TPR: variants seen among roughly 807,000 people sequenced by gnomAD.
The protein encoded by TPR is nucleoprotein TPR.
Under a neutral mutation model 316.1 loss-of-function variants are expected in TPR, and 51 were observed. That is an observed-to-expected ratio of 0.16 (90% CI 0.13 to 0.20). TPR has a LOEUF of 0.20. Among genes scored for constraint, TPR ranks in the 10% least tolerant of loss-of-function variants. The probability of loss-of-function intolerance (pLI) is 1.00; values close to 1 mark genes in which losing one functional copy is unlikely to be tolerated. For synonymous variants in TPR, 981 were observed against 914.7 expected, an observed-to-expected ratio of 1.07 and a Z score of -1.31; for missense variants, 2,272 against 2,754.8, an observed-to-expected ratio of 0.82 and a Z score of 3.92.
rs989700876 is a variant in TPR at position 186,335,221 on chromosome 1, C to T, written c.4912-92G>A. ...AATTGTCATTATTGTTAATTCTCTC[C>T]GCATATATTGAATTTTAGCCAAAAT... On this transcript the variant is annotated intron_variant, in intron 34 of 50. Coordinates refer to ENST00000367478, the MANE Select transcript of TPR (RefSeq NM_003292.3). 67 of 1,545,848 alleles carry T rather than the reference C, an allele frequency of 4.3e-5. No homozygotes were observed. In the South Asian group the frequency reaches 5.6e-4, roughly 13 times the overall value.
intron 12 of TPR, 129 bp from the exon 13 acceptor site, chr1:186,358,779 G>T (rs879250041): frequency 2.9e-4 from 203 of 691,968 alleles, no homozygotes. Flanking sequence ...ACATAATATT[G>T]TAGCCACTAA....
intron 31 of TPR, 79 bp downstream of exon 31, chr1:186,337,954 A>T: frequency 8.6e-7 from 1 of 1,166,754 alleles, no homozygotes; most frequent in Non-Finnish European, 1.2e-6. Context: ...AAAGCTAGTA[A>T]TATTCAAAAT....
intron 14 of TPR, 36 bp from the exon 15 acceptor site, chr1:186,356,485 C>T: frequency 6.4e-7 from 1 of 1,554,202 alleles, no homozygotes. Flanking sequence ...CAGGACTGAA[C>T]TGAGAGTTAA....
chr1:186,336,777 T>C, intron 32 of TPR, 83 bp from the exon 33 acceptor site: 1 of 1,443,786 alleles, frequency 6.9e-7, no homozygotes, highest in South Asian at 1.3e-5. Flanking sequence ...AAGTATAACT[T>C]ATTAATTTGC....
rs1222631533 is a variant in TPR, at chr1:186,335,386, T to C, written c.4863A>G (p.Gln1621=). 1.9e-6 allele frequency: 3 copies of C among 1,613,672 alleles called. No homozygotes were observed. Among genetic ancestry groups the C allele is most frequent in the Admixed American group, 1.7e-5 (1 of 59,966 alleles). The stretch of plus-strand genomic sequence containing the variant: ...CATCTCTCTGCTCAAGGTGTCTCTC[T>C]TGATGCTCCCTGAGTTCTCTTTCCA... The part of the protein sequence containing the change: ...SRLERELREH[Q]ERHLEQRDEP... Residue 1621 remains glutamine (Q), a synonymous_variant, in exon 34 of 51, where the codon CAA becomes CAG. Transcript: ENST00000367478.
At chr1:186,319,992 T>C (rs1344853656) in intron 46 of TPR, among the ~76,000 whole-genome samples, 1 of 152,216 alleles carries the variant, frequency 6.6e-6, no homozygotes, top group Admixed American at 6.5e-5. Context: ...AACTTTAAAA[T>C]GGCTAGTAGT....
At position 186,337,017 on chromosome 1, in the gene TPR, T is replaced by C. The variant is rs1315091056; in HGVS notation, c.4502A>G (p.Gln1501Arg). The C allele has an allele frequency of 6.2e-7, 1 of 1,613,818 alleles. No homozygotes were observed. The highest frequency in any genetic ancestry group is 1.7e-5 in the Admixed American group (1 of 60,006). ...AGACTGTTCTCACACTCATACCTTCTGCAGATTCTCTACTTGACTTTCAAG... is the reference window on the plus strand; with the variant it reads ...AGACTGTTCTCACACTCATACCTTCCGCAGATTCTCTACTTGACTTTCAAG... Reference protein sequence around the residue: ...KSLESQVENLQKTLSEKETEA... With the variant: ...KSLESQVENLRKTLSEKETEA... Residue 1501 changes from glutamine (Q) to arginine (R), a missense_variant, in exon 32 of 51, where the codon CAG (glutamine) becomes CGG (arginine). By Grantham distance (43) the Gln-to-Arg change is conservative. Coordinates refer to ENST00000367478, the MANE Select transcript of TPR (RefSeq NM_003292.3).
Position 186,359,890 on chromosome 1 carries a change from T to C in TPR, c.1298A>G (p.Lys433Arg). The part of the protein sequence containing the change: ...LDEIVKEVEA[K>R]APILKRQREE... ...ACGCTGGCGTTTCAAAATTGGTGCT[T>C]TGGCTTCCACTTCTTTCACTATTTC... The change falls in exon 12 of 51, where the codon AAA becomes AGA. Residue 433 changes from lysine to arginine, a missense_variant. By Grantham distance (26) the Lys-to-Arg change is conservative. Around this residue, in one of 10 missense-constraint regions of TPR, gnomAD observed 549 missense variants for 598.6 expected, o/e 0.92. Coordinates refer to ENST00000367478, the MANE Select transcript of TPR (RefSeq NM_003292.3). The C allele has an allele frequency of 6.2e-7, 1 of 1,606,522 alleles. No homozygotes were observed. The highest frequency in any genetic ancestry group is 8.5e-7 in the Non-Finnish European group (1 of 1,178,180).
At chr1:186,363,664 A>C (rs546807334) in intron 4 of TPR, among the ~76,000 whole-genome samples, 17 of 152,222 alleles carry the variant, frequency 1.1e-4, no homozygotes, top group African/African-American at 4.1e-4. Context: ...TGAAAAACTC[A>C]GAGACCACAG....
rs201351148 is a variant in TPR at position 186,335,164 on chromosome 1, C to T, written c.4912-35G>A. On this transcript the variant is annotated intron_variant, in intron 34 of 50. Transcript: ENST00000367478. ...GAAAGCTCTTGATTGTTGTTCCTAG[C>T]CCACAAGAGTCCACTAAAAATGCCA... 1.1e-5 allele frequency: 17 copies of T among 1,585,568 alleles called. No homozygotes were observed. The Middle Eastern group carries it at 8.5e-4, about 79-fold the overall frequency.
Position 186,371,477 on chromosome 1 carries a change from A to G in TPR, c.257-434T>C, listed in dbSNP as rs61810293. 3.5e-3 allele frequency among the ~76,000 whole-genome samples: 535 copies of G among 152,268 alleles called. 3 individuals are homozygous for G. Among genetic ancestry groups the G allele is most frequent in the Non-Finnish European group, 4.8e-3 (323 of 67,982 alleles). ...CAAATCACAATAATGAATATTTGCA[A>G]TTCCTATCATTTATCACTCTAAATA... is the stretch of plus-strand genomic sequence containing the variant. On this transcript the variant is annotated intron_variant, in intron 2 of 50. Transcript: ENST00000367478.
chr1:186,347,587 T>A (rs1407650206), intron 21 of TPR, 129 bp from the exon 22 acceptor site: 1 of 927,440 alleles, frequency 1.1e-6, no homozygotes, highest in Non-Finnish European at 1.5e-6. Flanking sequence ...TTTCAATCCA[T>A]GCCGAATACC....
At chr1:186,332,469 A>G in intron 37 of TPR, 126 bp from the exon 38 acceptor site, 1 of 991,990 alleles carries the variant, frequency 1.0e-6, no homozygotes, top group South Asian at 1.7e-5. Context: ...CAGATTACTA[A>G]AATACAATCA....
chr1:186,358,072 T>C (rs1418565966), intron 13 of TPR, among the ~76,000 whole-genome samples: 4 of 152,198 alleles, frequency 2.6e-5, no homozygotes, highest in Non-Finnish European at 5.9e-5. Flanking sequence ...TAGGGTAAAA[T>C]ATATGAATGA....
In TPR at chr1:186,350,406, CTT is replaced by C. The variant is rs1347181742; in HGVS notation, c.2611-20_2611-19del. 2 of 1,533,644 alleles carry C rather than the reference CTT, an allele frequency of 1.3e-6. No individual in the cohort carries two copies. Among genetic ancestry groups the C allele is most frequent in the African/African-American group, 2.8e-5 (2 of 71,702 alleles). On this transcript the variant is annotated intron_variant, in intron 20 of 50. Coordinates refer to ENST00000367478, the MANE Select transcript of TPR (RefSeq NM_003292.3). The stretch of plus-strand genomic sequence containing the variant: ...AGTTGAACCTATAAAATACATTAAT[CTT>C]ATAACATTCTTTAGGTTCCTAAGTA...
intron 18 of TPR, among the ~76,000 whole-genome samples, chr1:186,352,651 C>G (rs561688945): frequency 2.0e-5 from 3 of 152,240 alleles, no homozygotes; most frequent in African/African-American, 7.2e-5. Flanking sequence ...TATAAATGAT[C>G]AATGATAAAA....
chr1:186,318,698 T>A (rs1362514088), intron 47 of TPR, 35 bp downstream of exon 47: 1 of 1,610,752 alleles, frequency 6.2e-7, no homozygotes, highest in Non-Finnish European at 8.5e-7. Flanking sequence ...ATTTTACCAA[T>A]AAAACAGAAC....
intron 1 of TPR, 143 bp downstream of exon 1, chr1:186,374,735 G>A: frequency 1.2e-6 from 1 of 845,886 alleles, no homozygotes; most frequent in Non-Finnish European, 1.8e-6. Flanking sequence ...TAAGGAGCAG[G>A]AAAGCGAAGG....
intron 40 of TPR, 39 bp downstream of exon 40, chr1:186,327,421 A>G (rs1159770298): frequency 6.3e-7 from 1 of 1,594,448 alleles, no homozygotes; most frequent in Non-Finnish European, 8.5e-7. Flanking sequence ...CTTTCATCCA[A>G]TAGTTTAAAA....
Sources: allele counts gnomAD v4.1 joint callset (sites outside exome capture counted in the v4.1 genomes callset), GRCh38; gene constraint gnomAD v4.1.1; regional missense constraint gnomAD v4.1.1; transcripts MANE v1.5; gene names NCBI Gene and HGNC (gene_info 2026-07-23, HGNC 2026-07-21).